ZNF475: variants seen among roughly 807,000 people sequenced by gnomAD.
ZNF475 encodes the protein zinc finger protein 475.
At chr5:122,175,369 A>C in the ZNF475 span, among the ~76,000 whole-genome samples, 1 of 152,226 alleles carries the variant, frequency 6.6e-6, no homozygotes, top group African/African-American at 2.4e-5. Flanking sequence ...TCCCCAATGG[A>C]GACCACACAA....
At chr5:122,163,021 A>C in the ZNF475 span, 1 of 152,260 alleles carries the variant, frequency 6.6e-6, no homozygotes, top group Non-Finnish European at 1.5e-5. Context: ...ATAGATGCAC[A>C]GTTAAATCAA....
At chr5:122,162,952 T>A in the ZNF475 span, 5 of 152,158 alleles carry the variant, frequency 3.3e-5, no homozygotes, top group Non-Finnish European at 5.9e-5. Flanking sequence ...TGACCACTGA[T>A]GACTGTATCT....
chr5:122,182,341 T>C, the ZNF475 span: 1 of 564,876 alleles, frequency 1.8e-6, no homozygotes, highest in East Asian at 3.2e-5. Context: ...AAATACTCAG[T>C]CAACAGGTAT....
the ZNF475 span, among the ~76,000 whole-genome samples, chr5:122,172,850 G>A: frequency 2.0e-5 from 3 of 152,016 alleles, no homozygotes; most frequent in Non-Finnish European, 4.4e-5. Flanking sequence ...TGGCTATCAC[G>A]GTGAAACCCC....
chr5:122,170,127 C>T, the ZNF475 span, among the ~76,000 whole-genome samples: 2 of 152,054 alleles, frequency 1.3e-5, no homozygotes, highest in Non-Finnish European at 2.9e-5. Flanking sequence ...CTTAAAGTAC[C>T]GTATTTTTAT....
chr5:122,172,723 A>G, the ZNF475 span, among the ~76,000 whole-genome samples: 627 of 152,324 alleles, frequency 4.1e-3, 3 homozygotes, highest in Non-Finnish European at 5.7e-3. Context: ...TATCTTCTGT[A>G]TAATTAGTAT....
the ZNF475 span, among the ~76,000 whole-genome samples, chr5:122,180,257 G>T: frequency 6.6e-6 from 1 of 152,170 alleles, no homozygotes; most frequent in Non-Finnish European, 1.5e-5. Context: ...ACTATGATGC[G>T]CTGTGGAGCA....
the ZNF475 span, among the ~76,000 whole-genome samples, chr5:122,166,596 G>T: frequency 2.0e-5 from 3 of 151,618 alleles, no homozygotes; most frequent in Non-Finnish European, 4.4e-5. Flanking sequence ...TGCGGTGTTT[G>T]GTTTTCTGTC....
chr5:122,162,257 T>A, the ZNF475 span: 1 of 152,218 alleles, frequency 6.6e-6, no homozygotes, highest in South Asian at 2.1e-4. Context: ...AAATCACAAG[T>A]AACAGACTCT....
the ZNF475 span, among the ~76,000 whole-genome samples, chr5:122,177,847 C>T: frequency 6.6e-6 from 1 of 152,018 alleles, no homozygotes; most frequent in Non-Finnish European, 1.5e-5. Context: ...CTGCACCCAT[C>T]AACACGTTAT....
chr5:122,174,401 C>G, the ZNF475 span, among the ~76,000 whole-genome samples: 3 of 152,174 alleles, frequency 2.0e-5, no homozygotes, highest in African/African-American at 7.2e-5. Flanking sequence ...TATCTCTGTT[C>G]AGACCCACGT....
the ZNF475 span, among the ~76,000 whole-genome samples, chr5:122,168,707 G>A: frequency 1.3e-4 from 20 of 152,262 alleles, no homozygotes; most frequent in East Asian, 3.9e-4. Flanking sequence ...GCAAGACTCC[G>A]TCTAAAAAAA....
the ZNF475 span, among the ~76,000 whole-genome samples, chr5:122,165,390 T>C: frequency 6.6e-6 from 1 of 152,228 alleles, no homozygotes; most frequent in African/African-American, 2.4e-5. Flanking sequence ...AAAGTACACA[T>C]TGACATATAT....
the ZNF475 span, chr5:122,179,619 A>G: frequency 4.6e-6 from 7 of 1,534,206 alleles, no homozygotes; most frequent in Non-Finnish European, 6.1e-6. Context: ...AACAAAATCT[A>G]TTAGCATTCA....
chr5:122,169,677 G>T, the ZNF475 span, among the ~76,000 whole-genome samples: 3 of 152,126 alleles, frequency 2.0e-5, no homozygotes, highest in Non-Finnish European at 4.4e-5. Context: ...AGAGGCGGGG[G>T]GTGGAGATAG....
At chr5:122,166,200 T>A in the ZNF475 span, among the ~76,000 whole-genome samples, 1 of 152,234 alleles carries the variant, frequency 6.6e-6, no homozygotes, top group Non-Finnish European at 1.5e-5. Context: ...AAGGGGAGCC[T>A]TTCAGTATCC....
At chr5:122,168,574 A>G in the ZNF475 span, among the ~76,000 whole-genome samples, 11 of 152,296 alleles carry the variant, frequency 7.2e-5, no homozygotes, top group South Asian at 4.1e-4. Context: ...TTAGCCAGGC[A>G]TGGCGGCCGG....
At chr5:122,174,317 G>C in the ZNF475 span, among the ~76,000 whole-genome samples, 1 of 152,204 alleles carries the variant, frequency 6.6e-6, no homozygotes, top group Non-Finnish European at 1.5e-5. Context: ...ACCACAAGTT[G>C]GAGATTGCTC....
the ZNF475 span, among the ~76,000 whole-genome samples, chr5:122,161,231 A>G: frequency 1.3e-5 from 2 of 152,254 alleles, no homozygotes; most frequent in Non-Finnish European, 2.9e-5. Context: ...AGAAAGGGCT[A>G]GTAAATCCAG....
Sources: gnomAD v4.1 joint callset for allele counts (sites outside exome capture counted in the v4.1 genomes callset) on GRCh38, gnomAD v4.1.1 for gene constraint, MANE v1.5 for transcripts, NCBI Gene and HGNC (gene_info 2026-07-23, HGNC 2026-07-21) for gene names.